Variants in PKP3 observed in about 807,000 individuals in gnomAD.
The protein encoded by PKP3 is plakophilin 3.
In PKP3, 66 loss-of-function variants were observed where a neutral mutation model predicts 76.5. The observed-to-expected ratio is 0.86, with a 90% CI of 0.71 to 1.06. PKP3 has a LOEUF of 1.06. Ranked by LOEUF, PKP3 falls within the 50% of genes least tolerant of loss-of-function variation. The pLI, the probability that PKP3 is intolerant of heterozygous loss-of-function variation, is 0.00. For synonymous variants in PKP3, 638 were observed against 516.5 expected (o/e 1.24, Z -3.19); for missense variants, 1,338 against 1,141.0 (o/e 1.17, Z -2.49).
intron 8 of PKP3, 92 bp downstream of exon 8, chr11:400,797 GCCCCGCTC>G: frequency 4.0e-6 from 2 of 506,014 alleles, no homozygotes; most frequent in Non-Finnish European, 4.7e-6. Flanking sequence ...GCTCACCCCC[GCCCCGCTC>G]ACCCCGCCCC....
At chr11:397,780 A>AC (rs1169710504) in intron 4 of PKP3, 118 bp downstream of exon 4, 7 of 1,020,622 alleles carry the variant, frequency 6.9e-6, no homozygotes, top group Non-Finnish European at 9.9e-6. Flanking sequence ...GACTGGGTAG[A>AC]CCCCACTCTG....
chr11:403,924 G>A lies in PKP3; in HGVS notation c.2078-19G>A, dbSNP rs1411940360. The A allele has an allele frequency of 1.3e-6, 2 of 1,582,126 alleles. No homozygotes were observed. Among genetic ancestry groups the A allele is most frequent in the Admixed American group, 3.4e-5 (2 of 58,154 alleles). On this transcript the variant is annotated intron_variant, in intron 10 of 12. Transcript: ENST00000331563. ...GTGGCCAGGAGTAGGGGTGCAGACTGACCCCCGGCCTCCCACAGCCACGAA... is the reference window on the plus strand; with the variant it reads ...GTGGCCAGGAGTAGGGGTGCAGACTAACCCCCGGCCTCCCACAGCCACGAA...
chr11:403,290 G>A, intron 9 of PKP3, 27 bp downstream of exon 9: 3 of 1,519,750 alleles, frequency 2.0e-6, no homozygotes, highest in South Asian at 1.2e-5. Flanking sequence ...AGACCCGAGG[G>A]GGTCCCAGGG....
At chr11:403,339 A>C in intron 9 of PKP3, 76 bp downstream of exon 9, 21 of 957,032 alleles carry the variant, frequency 2.2e-5, no homozygotes, top group Non-Finnish European at 2.6e-5. Context: ...AGGGAGAGGG[A>C]GGGGAGGAGG....
Position 400,532 on chromosome 11 carries a change from C to A in PKP3, c.1567-3C>A. ...CGCCCCTGCCCCGCGCCCCCGCCCGCAGAGCGTGGAGAACGCGGTGTGCGT... is the reference window on the plus strand; with the variant it reads ...CGCCCCTGCCCCGCGCCCCCGCCCGAAGAGCGTGGAGAACGCGGTGTGCGT... On this transcript the variant is annotated splice_polypyrimidine_tract_variant and splice_region_variant and intron_variant, in intron 7 of 12. Coordinates refer to ENST00000331563, the MANE Select transcript of PKP3 (RefSeq NM_007183.4). 3 of 1,491,662 alleles carry A rather than the reference C, an allele frequency of 2.0e-6. No individual in the cohort carries two copies. The allele number at this position is 1,491,662 out of a possible 1,614,324, so 92.4% of individuals were successfully genotyped here.
At position 400,463 on chromosome 11, in the gene PKP3, G is replaced by A. The variant is rs1231075727; in HGVS notation, c.1566+12G>A. ...AATGCGAGGACAAGGTGAGGGGCGC[G>A]GTGTGGAGGAGGGGCCGTGCCCCCG... On this transcript the variant is annotated intron_variant, in intron 7 of 12. Coordinates refer to ENST00000331563, the MANE Select transcript of PKP3 (RefSeq NM_007183.4). The A allele has an allele frequency of 3.3e-6, 5 of 1,535,924 alleles. No individual in the cohort carries two copies. The highest frequency in any genetic ancestry group is 2.0e-5 in the Admixed American group (1 of 50,214).
chr11:400,735 T>G (rs1847141838), intron 8 of PKP3, 30 bp downstream of exon 8: 15 of 1,180,956 alleles, frequency 1.3e-5, no homozygotes, highest in Non-Finnish European at 1.5e-5. Flanking sequence ...GGGCGTGGGG[T>G]GGGTGCTGCG....
upstream of PKP3, chr11:392,811 C>G (rs906081619): frequency 2.0e-6 from 1 of 504,500 alleles, no homozygotes; most frequent in African/African-American, 2.0e-5. Context: ...CTTTAACCCC[C>G]CACGCTGACC....
Position 404,170 on chromosome 11 carries a change from A to C in PKP3, c.2270+35A>C, listed in dbSNP as rs754519117. 6.2e-7 allele frequency: 1 copy of C among 1,607,584 alleles called. No individual in the cohort carries two copies. Among genetic ancestry groups the C allele is most frequent in the Non-Finnish European group, 8.5e-7 (1 of 1,176,072 alleles). On this transcript the variant is annotated intron_variant, in intron 11 of 12. Transcript: ENST00000331563. This position sits in a 1 kb window ranked among gnomAD's most constrained non-coding sequence, Gnocchi z 4.2. ...GACCCAGCCGTGCAGCAGCCTGGTC[A>C]GGGGTCCTCCCAGTCCACCCTGCTT...
rs950244575 is a variant in PKP3, at chr11:394,208, CAGGGAGAGGGCCTCG to C, written c.-79_-65del. ...GGTGAGGCTGGCTGGGCGGGGACTT[CAGGGAGAGGGCCTCG>C]AGGGACAGGACGTGAAGATAGTTGG... is the stretch of plus-strand genomic sequence containing the variant. On this transcript the variant is annotated 5_prime_UTR_variant, in exon 1 of 13. Transcript: ENST00000331563. The C allele has an allele frequency of 1.4e-6, 2 of 1,390,634 alleles. No homozygotes were observed. 86.1% of individuals were successfully genotyped at this position (1,390,634 alleles called of 1,614,324 possible). A position where few individuals can be genotyped will look rare whatever the true frequency, so the allele number is the denominator to read the frequency against.
Position 397,451 on chromosome 11 carries a change from C to T in PKP3, c.944+6C>T, listed in dbSNP as rs751178137. The T allele has an allele frequency of 1.2e-5, 19 of 1,611,688 alleles. No individual in the cohort carries two copies. In the South Asian group the frequency reaches 1.8e-4, roughly 15 times the overall value. On this transcript the variant is annotated splice_donor_region_variant and intron_variant, in intron 3 of 12. Transcript: ENST00000331563. ...CTGCAGAGACTCAGCAGCGGGTGAG[C>T]GGCTGGGCCCGGCTCAGGGAGGGGG...
rs1226024353 is a variant in PKP3 at position 404,563 on chromosome 11, C to T, written c.2388C>T (p.Gly796=). 6.2e-7 allele frequency: 1 copy of T among 1,612,294 alleles called. No homozygotes were observed. The highest frequency in any genetic ancestry group is 8.5e-7 in the Non-Finnish European group (1 of 1,179,678). The change falls in exon 13 of 13, where the codon GGC becomes GGT. Residue 796 remains glycine, a synonymous_variant. Coordinates refer to ENST00000331563, the MANE Select transcript of PKP3 (RefSeq NM_007183.4). This position sits in a 1 kb window ranked among gnomAD's most constrained non-coding sequence, Gnocchi z 4.2. The part of the protein sequence containing the change: ...AKGYRKEDFL[G]P ...GCTATCGGAAGGAGGACTTCCTGGGCCCATAGGTGAAGCCTTCTGGAGGAG... is the reference window on the plus strand; with the variant it reads ...GCTATCGGAAGGAGGACTTCCTGGGTCCATAGGTGAAGCCTTCTGGAGGAG...
At chr11:403,563 C>T (rs1847194852) in intron 9 of PKP3, 55 bp from the exon 10 acceptor site, 1 of 1,559,302 alleles carries the variant, frequency 6.4e-7, no homozygotes. Context: ...GCAGGACCCC[C>T]TCAGGTGAGG....
chr11:400,402 T>G lies in PKP3; in HGVS notation c.1517T>G (p.Leu506Arg), dbSNP rs762855127. 1.3e-6 allele frequency: 2 copies of G among 1,548,832 alleles called. No individual in the cohort carries two copies. Among genetic ancestry groups the G allele is most frequent in the South Asian group, 2.4e-5 (2 of 84,042 alleles). ...GAGTGCCACGGGCTGGTGGACGCCC[T>G]GGTCACCTCTATCAACCACGCCCTG... Reference protein sequence around the residue: ...MRECHGLVDALVTSINHALDA... With the variant: ...MRECHGLVDARVTSINHALDA... Residue 506 changes from leucine (L) to arginine (R), a missense_variant, in exon 7 of 13, where the codon CTG becomes CGG. Coordinates refer to ENST00000331563, the MANE Select transcript of PKP3 (RefSeq NM_007183.4).
Position 400,622 on chromosome 11 carries a change from G to A in PKP3, c.1654G>A (p.Gly552Ser), listed in dbSNP as rs1476276105. 1.3e-5 allele frequency: 18 copies of A among 1,421,294 alleles called. No individual in the cohort carries two copies. Among genetic ancestry groups the A allele is most frequent in the Non-Finnish European group, 1.6e-5 (18 of 1,096,680 alleles). 88.0% of individuals were successfully genotyped at this position (1,421,294 alleles called of 1,614,324 possible). A position where few individuals can be genotyped will look rare whatever the true frequency, so the allele number is the denominator to read the frequency against. The change falls in exon 8 of 13, where the codon GGT becomes AGT. Residue 552 changes from glycine (G) to serine (S), a missense_variant. Physicochemically the swap from Gly to Ser is moderately conservative, Grantham distance 56. Transcript: ENST00000331563. The stretch of plus-strand genomic sequence containing the variant: ...GCCGTCCGCGCTGCAGCGGCTGGAG[G>A]GTCGCGGCCGCAGGGACCTGGCGGG... Reference protein sequence around the residue: ...MPPSALQRLEGRGRRDLAGAP... With the variant: ...MPPSALQRLESRGRRDLAGAP...
In PKP3 at chr11:400,605, C is replaced by G. The variant is rs1339346390; in HGVS notation, c.1637C>G (p.Ala546Gly). The part of the protein sequence containing the change: ...YRLYDEMPPS[A>G]LQRLEGRGRR... ...CTCTACGACGAGATGCCGCCGTCCG[C>G]GCTGCAGCGGCTGGAGGGTCGCGGC... The change falls in exon 8 of 13, where the codon GCG (alanine) becomes GGG (glycine). Residue 546 changes from alanine to glycine, a missense_variant. Physicochemically the swap from Ala to Gly is moderately conservative, Grantham distance 60. Transcript: ENST00000331563. The G allele has an allele frequency of 6.9e-7, 1 of 1,453,256 alleles. No individual in the cohort carries two copies. Among genetic ancestry groups the G allele is most frequent in the East Asian group, 2.8e-5 (1 of 35,126 alleles). The allele number at this position is 1,453,256 out of a possible 1,614,324, so 90.0% of individuals were successfully genotyped here.
Position 403,654 on chromosome 11 carries a change from G to C in PKP3, c.1960G>C (p.Glu654Gln), listed in dbSNP as rs770865208. 1.2e-6 allele frequency: 2 copies of C among 1,609,236 alleles called. No individual in the cohort carries two copies. Among genetic ancestry groups the C allele is most frequent in the African/African-American group, 1.3e-5 (1 of 74,894 alleles). Residue 654 changes from glutamate (E) to glutamine (Q), a missense_variant, in exon 10 of 13, where the codon GAG becomes CAG. Glu to Gln is a conservative substitution (Grantham distance 29, BLOSUM62 2). Coordinates refer to ENST00000331563, the MANE Select transcript of PKP3 (RefSeq NM_007183.4). ...GCTGAGCCGCCTGGCCCTGGAGCAGGAGCGTATTCTGAACCCCCTGCTAGA... is the reference window on the plus strand; with the variant it reads ...GCTGAGCCGCCTGGCCCTGGAGCAGCAGCGTATTCTGAACCCCCTGCTAGA... ...GVLSRLALEQ[E>Q]RILNPLLDRV... is the part of the protein sequence containing the mutation.
intron 9 of PKP3, 51 bp downstream of exon 9, chr11:403,314 A>C: frequency 9.2e-6 from 10 of 1,090,922 alleles, no homozygotes; most frequent in South Asian, 1.4e-5. Flanking sequence ...CATGCGGTTG[A>C]GGGGGGGACA....
chr11:396,585 G>A, intron 1 of PKP3, 23 bp from the exon 2 acceptor site: 1 of 1,559,756 alleles, frequency 6.4e-7, no homozygotes, highest in Non-Finnish European at 8.7e-7. Flanking sequence ...GCAGAGCTGG[G>A]CTACCACCGT....
Sources: gnomAD v4.1 joint callset for allele counts on GRCh38, gnomAD v4.1.1 for gene constraint, Gnocchi (gnomAD v3.1) non-coding constraint, MANE v1.5 for transcripts, NCBI Gene and HGNC (gene_info 2026-07-23, HGNC 2026-07-21) for gene names.